TAP2: variants seen among roughly 807,000 people sequenced by gnomAD.
The protein encoded by TAP2 is transporter 2, ATP binding cassette subfamily B member.
TAP2 carries 49 observed loss-of-function variants against 74.7 expected under a neutral mutation model. That is an observed-to-expected ratio of 0.66 (90% confidence interval 0.52 to 0.83). The LOEUF (loss-of-function observed/expected upper bound fraction) is 0.83, where lower values mean the gene tolerates loss of function less well. Among genes scored for constraint, TAP2 ranks in the 40% least tolerant of loss-of-function variants. TAP2 has a pLI of 0.00. For synonymous variants in TAP2, 306 were observed against 368.4 expected, an observed-to-expected ratio of 0.83 and a Z score of 1.94; for missense variants, 739 against 859.0, an observed-to-expected ratio of 0.86 and a Z score of 1.75.
intron 9 of TAP2, 52 bp from the exon 10 acceptor site, chr6:32,830,141 G>T: frequency 6.2e-7 from 1 of 1,612,672 alleles, no homozygotes; most frequent in Non-Finnish European, 8.5e-7. Flanking sequence ...CCAAGGCAGG[G>T]GCCCTTTTGT....
chr6:32,823,947 T>A (rs1000347208), downstream of TAP2, among the ~76,000 whole-genome samples: 2 of 151,912 alleles, frequency 1.3e-5, no homozygotes, highest in Non-Finnish European at 2.9e-5. Flanking sequence ...ATCACAAAAC[T>A]AGCTCATATC....
In TAP2 at chr6:32,828,676, C is replaced by CGG; in HGVS notation, c.*229_*230insCC. ...AATTAAGTTTCCTGGACACAGACAG[C>CGG]CCCCACCCCACCCCACCCCACCTCT... On this transcript the variant is annotated 3_prime_UTR_variant, in exon 12 of 12. Transcript: ENST00000374897. The CGG allele has an allele frequency of 8.7e-6, 7 of 802,722 alleles. No individual in the cohort carries two copies. Among genetic ancestry groups the CGG allele is most frequent in the Non-Finnish European group, 7.3e-6 (5 of 680,806 alleles). 49.7% of individuals were successfully genotyped at this position (802,722 alleles called of 1,614,324 possible).
downstream of TAP2, among the ~76,000 whole-genome samples, chr6:32,825,050 C>A (rs1768543841): frequency 6.6e-6 from 1 of 150,814 alleles, no homozygotes; most frequent in African/African-American, 2.4e-5. Context: ...TATTAAAAAG[C>A]AAATGATAAC....
At position 32,832,371 on chromosome 6, in the gene TAP2, AGGAAAGCAGGCTGCCCTG is replaced by A. The variant is rs1295362486; in HGVS notation, c.1216_1233del (p.Gln406_Ser411del). ...CCCACGCTCTCCTGGTAGATCATAA[AGGAAAGCAGGCTGCCCTG>A]GGTGAGCTCCCCATCCTGCATCTGC... On this transcript the variant is annotated inframe_deletion, in exon 7 of 12. Coordinates refer to ENST00000374897, the MANE Select transcript of TAP2 (RefSeq NM_001290043.2). The surrounding 1 kb of genome is among the most constrained non-coding windows in gnomAD (Gnocchi z 5.9). The A allele has an allele frequency of 6.2e-7, 1 of 1,613,064 alleles. No homozygotes were observed. Among genetic ancestry groups the A allele is most frequent in the Non-Finnish European group, 8.5e-7 (1 of 1,180,024 alleles).
At chr6:32,822,524 CATTTA>C (rs1298437462), downstream of TAP2, among the ~76,000 whole-genome samples, 1 of 151,436 alleles carries the variant, frequency 6.6e-6, no homozygotes, top group East Asian at 1.9e-4. Context: ...GCCATTGAGC[CATTTA>C]ATTTTTGTTT....
Position 32,837,662 on chromosome 6 carries a change from C to G in TAP2, c.494-11G>C. 2 of 1,614,054 alleles carry G rather than the reference C, an allele frequency of 1.2e-6. No homozygotes were observed. Among genetic ancestry groups the G allele is most frequent in the Non-Finnish European group, 1.7e-6 (2 of 1,179,942 alleles). ...GGATTAATGTCTCACCTGAAAGAGG[C>G]ATGAAAAATAACACAAGAATGTGCT... is the stretch of plus-strand genomic sequence containing the variant. On this transcript the variant is annotated splice_polypyrimidine_tract_variant and intron_variant, in intron 2 of 11. Transcript: ENST00000374897.
At chr6:32,829,358 C>A in intron 11 of TAP2, 42 bp downstream of exon 11, 1 of 1,566,014 alleles carries the variant, frequency 6.4e-7, no homozygotes, top group Non-Finnish European at 8.7e-7. Flanking sequence ...CCAGCATGCC[C>A]CTCCCAGGCC....
In TAP2 at chr6:32,837,530, C is replaced by T. The variant is rs2071466; in HGVS notation, c.608+7G>A. ...CTAGCAAATGGACCCAGCTGCCCAC[C>T]ACCTACCTGCCAAAGGAGAAGAGGC... is the stretch of plus-strand genomic sequence containing the variant. On this transcript the variant is annotated splice_region_variant and intron_variant, in intron 3 of 11. Transcript: ENST00000374897. 0.28 allele frequency: 459,284 copies of T among 1,612,020 alleles called. 66,890 individuals are homozygous for T. Among genetic ancestry groups the T allele is most frequent in the Middle Eastern group, 0.39 (2,384 of 6,060 alleles).
rs1030326231 is a variant in TAP2, at chr6:32,835,689, G to A, written c.693C>T (p.Ser231=). 1.2e-6 allele frequency: 2 copies of A among 1,613,120 alleles called. No homozygotes were observed. The highest frequency in any genetic ancestry group is 1.7e-6 in the Non-Finnish European group (2 of 1,180,038). Residue 231 remains serine (S), a synonymous_variant, in exon 4 of 12, where the codon TCC becomes TCT. Coordinates refer to ENST00000374897, the MANE Select transcript of TAP2 (RefSeq NM_001290043.2). This position sits in a 1 kb window ranked among gnomAD's most constrained non-coding sequence, Gnocchi z 4.0. ...INLRIREQLF[S]SLLRQDLGFF... ...AACCGAGGTCCTGGCGCAGCAGGGA[G>A]GAGAAAAGCTGCTCCCGGATCCGCA... is the stretch of plus-strand genomic sequence containing the variant.
chr6:32,826,311 C>G lies in TAP2; in HGVS notation c.*2595G>C, dbSNP rs935470636. 3 of 985,310 alleles carry G rather than the reference C, an allele frequency of 3.0e-6. No individual in the cohort carries two copies. Among genetic ancestry groups the G allele is most frequent in the Non-Finnish European group, 3.6e-6 (3 of 829,966 alleles). 61.0% of individuals were successfully genotyped at this position (985,310 alleles called of 1,614,324 possible). ...GAGGTGTTTTGGCATCCAAGGAAAT[C>G]TATCAGTTTCCCAAGCTTTCCCCTC... On this transcript the variant is annotated 3_prime_UTR_variant, in exon 12 of 12. Transcript: ENST00000374897.
At chr6:32,821,844 G>A (rs929897041), downstream of TAP2, 4 of 164,278 alleles carry the variant, frequency 2.4e-5, no homozygotes, top group Admixed American at 1.2e-4. Context: ...TTGAGCTACA[G>A]TTTAATTGAA....
Position 32,830,249 on chromosome 6 carries a change from T to C in TAP2, c.1635+18A>G, listed in dbSNP as rs185280611. 1,254 of 1,613,098 alleles carry C rather than the reference T, an allele frequency of 7.8e-4. 8 individuals carry two copies. In the African/African-American group the frequency reaches 0.01, roughly 13 times the overall value. ...ATGCTCCCCTCTCCTGTCCCCTGTC[T>C]TCTCCCTCCTCACCCACCTGGCTGT... On this transcript the variant is annotated intron_variant, in intron 9 of 11. Coordinates refer to ENST00000374897, the MANE Select transcript of TAP2 (RefSeq NM_001290043.2).
At chr6:32,829,376 C>A in intron 11 of TAP2, 24 bp downstream of exon 11, 5 of 1,578,194 alleles carry the variant, frequency 3.2e-6, no homozygotes, top group Non-Finnish European at 4.3e-6. Context: ...GCCCCACTGT[C>A]CCCTGCCCTC....
Position 32,827,708 on chromosome 6 carries a change from AG to A in TAP2, c.*1197del. 1 of 954,150 alleles carries A rather than the reference AG, an allele frequency of 1.0e-6. No individual in the cohort carries two copies. Among genetic ancestry groups the A allele is most frequent in the Non-Finnish European group, 1.2e-6 (1 of 802,120 alleles). The allele number at this position is 954,150 out of a possible 1,614,324, so 59.1% of individuals were successfully genotyped here. A position where few individuals can be genotyped will look rare whatever the true frequency, so the allele number is the denominator to read the frequency against. ...GTCGTGGAGCTGGATACAACAGGAG[AG>A]GGTGAGACAGATGGGCTGGAACAGT... On this transcript the variant is annotated 3_prime_UTR_variant, in exon 12 of 12. Coordinates refer to ENST00000374897, the MANE Select transcript of TAP2 (RefSeq NM_001290043.2).
downstream of TAP2, among the ~76,000 whole-genome samples, chr6:32,824,411 T>C (rs1356046130): frequency 6.6e-6 from 1 of 152,164 alleles, no homozygotes; most frequent in Non-Finnish European, 1.5e-5. Context: ...AACATTTTCA[T>C]GTTTTTAGGT....
Position 32,828,214 on chromosome 6 carries a change from T to A in TAP2, c.*692A>T. The A allele has an allele frequency of 3.1e-6, 3 of 958,974 alleles. No individual in the cohort carries two copies. Among genetic ancestry groups the A allele is most frequent in the Non-Finnish European group, 3.7e-6 (3 of 806,070 alleles). The allele number at this position is 958,974 out of a possible 1,614,324, so 59.4% of individuals were successfully genotyped here. A position where few individuals can be genotyped will look rare whatever the true frequency, so the allele number is the denominator to read the frequency against. On this transcript the variant is annotated 3_prime_UTR_variant, in exon 12 of 12. Coordinates refer to ENST00000374897, the MANE Select transcript of TAP2 (RefSeq NM_001290043.2). ...GATAATGATTAAAAACGATAATACA[T>A]GAAAAACACTTAGCATAGCTCCTAC...
Position 32,828,675 on chromosome 6 carries a change from G to GCCTCCCCCCCCCCCCCCCCC in TAP2, c.*230_*231insGGGGGGGGGGGGGGGGGAGG. On this transcript the variant is annotated 3_prime_UTR_variant, in exon 12 of 12. Coordinates refer to ENST00000374897, the MANE Select transcript of TAP2 (RefSeq NM_001290043.2). ...GAATTAAGTTTCCTGGACACAGACA[G>GCCTCCCCCCCCCCCCCCCCC]CCCCCACCCCACCCCACCCCACCTC... 3 of 884,278 alleles carry GCCTCCCCCCCCCCCCCCCCC rather than the reference G, an allele frequency of 3.4e-6. No homozygotes were observed. The highest frequency in any genetic ancestry group is 4.1e-6 in the Non-Finnish European group (3 of 735,238). The allele number at this position is 884,278 out of a possible 1,614,324, so 54.8% of individuals were successfully genotyped here. A position where few individuals can be genotyped will look rare whatever the true frequency, so the allele number is the denominator to read the frequency against.
At position 32,828,597 on chromosome 6, in the gene TAP2, T is replaced by C. The variant is rs943958454; in HGVS notation, c.*309A>G. On this transcript the variant is annotated 3_prime_UTR_variant, in exon 12 of 12. Coordinates refer to ENST00000374897, the MANE Select transcript of TAP2 (RefSeq NM_001290043.2). ...AAGAAGGAAAATATTTTAAAATATA[T>C]GTATTATGCCACAAAATACTCCTCA... 69 of 1,059,616 alleles carry C rather than the reference T, an allele frequency of 6.5e-5. No individual in the cohort carries two copies. The highest frequency in any genetic ancestry group is 4.4e-4 in the Middle Eastern group (1 of 2,282). 65.6% of individuals were successfully genotyped at this position (1,059,616 alleles called of 1,614,324 possible).
intron 10 of TAP2, 116 bp downstream of exon 10, chr6:32,829,814 G>A: frequency 7.2e-7 from 1 of 1,391,694 alleles, no homozygotes; most frequent in East Asian, 2.3e-5. Context: ...AGGAATGGAG[G>A]AAAGGGCAGA....
Sources: gnomAD v4.1 joint callset for allele counts (sites outside exome capture counted in the v4.1 genomes callset) on GRCh38, gnomAD v4.1.1 for gene constraint, Gnocchi (gnomAD v3.1) non-coding constraint, MANE v1.5 for transcripts, NCBI Gene and HGNC (gene_info 2026-07-23, HGNC 2026-07-21) for gene names.